Variants in HMX1 observed in about 807,000 individuals in gnomAD.
HMX1 encodes the protein H6 family homeobox 1.
In HMX1, 8 loss-of-function variants were observed where a neutral mutation model predicts 8.9. The observed-to-expected ratio is 0.90, with a 90% CI of 0.53 to 1.63. The LOEUF (loss-of-function observed/expected upper bound fraction) is 1.63, where lower values mean the gene tolerates loss of function less well. HMX1 is among the 40% of genes most tolerant of loss of function. The pLI, the probability that HMX1 is intolerant of heterozygous loss-of-function variation, is 0.00. For missense variants in HMX1, 621 were observed against 558.5 expected (o/e 1.11, Z -1.13); for synonymous variants, 311 against 283.4 (o/e 1.10, Z -0.98).
In HMX1 at chr4:8,871,178, CG is replaced by C; in HGVS notation, c.394+42del. The C allele has an allele frequency of 7.4e-7, 1 of 1,356,454 alleles. No homozygotes were observed. The highest frequency in any genetic ancestry group is 9.5e-7 in the Non-Finnish European group (1 of 1,055,174). 84.0% of individuals were successfully genotyped at this position (1,356,454 alleles called of 1,614,324 possible). A position where few individuals can be genotyped will look rare whatever the true frequency, so the allele number is the denominator to read the frequency against. ...CCCAGCAAATGCGCAGGGAGGAAGTCGGGCCCCACCGCCTGACCCACCCTCC... is the reference window on the plus strand; with the variant it reads ...CCCAGCAAATGCGCAGGGAGGAAGTCGGCCCCACCGCCTGACCCACCCTCC... On this transcript the variant is annotated intron_variant, in intron 1 of 1. Coordinates refer to ENST00000400677, the MANE Select transcript of HMX1 (RefSeq NM_018942.3). This position sits in a 1 kb window ranked among gnomAD's most constrained non-coding sequence, Gnocchi z 4.8.
At chr4:8,864,479 G>A (rs13303012), downstream of HMX1, among the ~76,000 whole-genome samples, 64,761 of 152,044 alleles carry the variant, frequency 0.43, 16,449 homozygotes, top group Non-Finnish European at 0.6. Flanking sequence ...GCAGATCGAA[G>A]CCATTCATCT....
chr4:8,850,570 C>A (rs1388768795), intron 1 of HMX1, among the ~76,000 whole-genome samples: 1 of 152,210 alleles, frequency 6.6e-6, no homozygotes, highest in South Asian at 2.1e-4. Context: ...CAGGCTCCCA[C>A]AGCATCCGCA....
chr4:8,867,355 C>T lies in HMX1; in HGVS notation c.*338G>A. 2 of 1,019,874 alleles carry T rather than the reference C, an allele frequency of 2.0e-6. No individual in the cohort carries two copies. Among genetic ancestry groups the T allele is most frequent in the Non-Finnish European group, 2.3e-6 (2 of 853,134 alleles). The allele number at this position is 1,019,874 out of a possible 1,614,324, so 63.2% of individuals were successfully genotyped here. On this transcript the variant is annotated 3_prime_UTR_variant, in exon 2 of 2. Coordinates refer to ENST00000400677, the MANE Select transcript of HMX1 (RefSeq NM_018942.3). ...TTTCCTTTGTTGCGCTGGGCTTGGC[C>T]TGAGGGCAGCTGCCCCGGGTGGCCA... is the stretch of plus-strand genomic sequence containing the variant.
In HMX1 at chr4:8,868,492, G is replaced by A. The variant is rs1187624381; in HGVS notation, c.395-147C>T. 9.7e-6 allele frequency: 6 copies of A among 619,668 alleles called. No homozygotes were observed. The highest frequency in any genetic ancestry group is 7.8e-5 in the African/African-American group (4 of 51,534). The allele number at this position is 619,668 out of a possible 1,614,324, so 38.4% of individuals were successfully genotyped here. On this transcript the variant is annotated intron_variant, in intron 1 of 1. Coordinates refer to ENST00000400677, the MANE Select transcript of HMX1 (RefSeq NM_018942.3). The surrounding 1 kb of genome is among the most constrained non-coding windows in gnomAD (Gnocchi z 4.6). Reference sequence around the variant, plus strand: ...CAGGGCTGGGCACCCAGCAGCTCTGGGGATGCACACATTGTCAGAACCGTG... The same window carrying A: ...CAGGGCTGGGCACCCAGCAGCTCTGAGGATGCACACATTGTCAGAACCGTG...
At position 8,849,742 on chromosome 4, in the gene HMX1, T is replaced by C. The variant is rs1721387140; in HGVS notation, c.395-3418A>G. Among the ~76,000 whole-genome samples, 1 of 152,168 alleles carries C rather than the reference T, an allele frequency of 6.6e-6. No homozygotes were observed. Among genetic ancestry groups the C allele is most frequent in the Admixed American group, 6.5e-5 (1 of 15,286 alleles). ...TTTTTCTCCCTCTCTTCCAATCCTC[T>C]GCCCTTGCTGGGTAGGGCAGGAAGA... On this transcript the variant is annotated intron_variant, in intron 1 of 1. Transcript: ENST00000506970. This position sits in a 1 kb window ranked among gnomAD's most constrained non-coding sequence, Gnocchi z 6.6.
rs983457612 is a variant in HMX1 at position 8,868,846 on chromosome 4, A to C, written c.395-501T>G. On this transcript the variant is annotated intron_variant, in intron 1 of 1. Coordinates refer to ENST00000400677, the MANE Select transcript of HMX1 (RefSeq NM_018942.3). This position sits in a 1 kb window ranked among gnomAD's most constrained non-coding sequence, Gnocchi z 4.6. ...GCCACCTGGCATCCAGCCCCACGCC[A>C]AGCTCCCCAGAAGGAGGAATGAAGA... Among the ~76,000 whole-genome samples, 1 of 152,064 alleles carries C rather than the reference A, an allele frequency of 6.6e-6. No homozygotes were observed. Among genetic ancestry groups the C allele is most frequent in the Non-Finnish European group, 1.5e-5 (1 of 68,010 alleles).
chr4:8,858,867 C>T (rs1464442231), intron 1 of HMX1: 3 of 152,294 alleles, frequency 2.0e-5, no homozygotes, highest in Admixed American at 1.3e-4. Flanking sequence ...TTCAAAGACT[C>T]GGTTTCCACT....
chr4:8,861,476 G>A (rs567091351), intron 1 of HMX1, among the ~76,000 whole-genome samples: 1 of 152,338 alleles, frequency 6.6e-6, no homozygotes, highest in South Asian at 2.1e-4. Context: ...GGGGGGTAGG[G>A]AACGACGGGG....
chr4:8,859,728 C>T lies in HMX1; in HGVS notation c.394+11493G>A, dbSNP rs923233921. Among the ~76,000 whole-genome samples the T allele has an allele frequency of 2.6e-5, 4 of 152,220 alleles. No individual in the cohort carries two copies. In the South Asian group the frequency reaches 6.2e-4, roughly 24 times the overall value. Reference sequence around the variant, plus strand: ...GCGTGGTCTATGTGACGTGGAGTCGCACTGGGACCCGAATGAGGACATCCC... The same window carrying T: ...GCGTGGTCTATGTGACGTGGAGTCGTACTGGGACCCGAATGAGGACATCCC... On this transcript the variant is annotated intron_variant, in intron 1 of 1. Transcript: ENST00000506970.
chr4:8,857,513 G>A (rs1317942562), intron 1 of HMX1, among the ~76,000 whole-genome samples: 1 of 152,118 alleles, frequency 6.6e-6, no homozygotes, highest in Admixed American at 6.5e-5. Flanking sequence ...CGCGGGTTCC[G>A]GCCCAGCTTC....
At chr4:8,858,975 T>G (rs572922534) in intron 1 of HMX1, 2 of 152,086 alleles carry the variant, frequency 1.3e-5, no homozygotes, top group South Asian at 4.2e-4. Context: ...TGTGGTGGGG[T>G]GTGCCCTCCT....
In HMX1 at chr4:8,868,293, G is replaced by A; in HGVS notation, c.447C>T (p.Gly149=). 1.4e-6 allele frequency: 2 copies of A among 1,440,330 alleles called. No homozygotes were observed. The highest frequency in any genetic ancestry group is 1.8e-6 in the Non-Finnish European group (2 of 1,102,424). The allele number at this position is 1,440,330 out of a possible 1,614,324, so 89.2% of individuals were successfully genotyped here. A position where few individuals can be genotyped will look rare whatever the true frequency, so the allele number is the denominator to read the frequency against. ...ETGEEMGRAE[G]AWPRGPGPGA... ...CCGGCCCGGGGCCTCGCGGCCAGGC[G>A]CCCTCCGCACGGCCCATCTCCTCGC... The change falls in exon 2 of 2, where the codon GGC becomes GGT. Residue 149 remains glycine (G), a synonymous_variant. Coordinates refer to ENST00000400677, the MANE Select transcript of HMX1 (RefSeq NM_018942.3). The surrounding 1 kb of genome is among the most constrained non-coding windows in gnomAD (Gnocchi z 4.6).
Position 8,867,796 on chromosome 4 carries a change from G to T in HMX1, c.944C>A (p.Pro315Gln). The change falls in exon 2 of 2, where the codon CCA becomes CAA. Residue 315 changes from proline to glutamine, a missense_variant. Coordinates refer to ENST00000400677, the MANE Select transcript of HMX1 (RefSeq NM_018942.3). The part of the protein sequence containing the change: ...PLAPAAPAPP[P>Q]PLLGFSGALA... Reference sequence around the variant, plus strand: ...GGCCCCGGAGAAGCCGAGCAGCGGTGGGGGCGGCGCGGGCGCGGCGGGCGC... The same window carrying T: ...GGCCCCGGAGAAGCCGAGCAGCGGTTGGGGCGGCGCGGGCGCGGCGGGCGC... The T allele has an allele frequency of 8.1e-7, 1 of 1,240,046 alleles. No individual in the cohort carries two copies. The highest frequency in any genetic ancestry group is 1.0e-6 in the Non-Finnish European group (1 of 995,454). 76.8% of individuals were successfully genotyped at this position (1,240,046 alleles called of 1,614,324 possible).
At chr4:8,861,408 C>A (rs917557675) in intron 1 of HMX1, among the ~76,000 whole-genome samples, 1 of 152,214 alleles carries the variant, frequency 6.6e-6, no homozygotes, top group Non-Finnish European at 1.5e-5. Flanking sequence ...TAAACACGCC[C>A]TGTCTCCCCG....
chr4:8,867,879 G>C lies in HMX1; in HGVS notation c.861C>G (p.His287Gln). 4 of 1,288,790 alleles carry C rather than the reference G, an allele frequency of 3.1e-6. No homozygotes were observed. Among genetic ancestry groups the C allele is most frequent in the Non-Finnish European group, 3.9e-6 (4 of 1,019,280 alleles). The allele number at this position is 1,288,790 out of a possible 1,614,324, so 79.8% of individuals were successfully genotyped here. ...CGGCGGCTGCGGCCGGGGGGCTTTC[G>C]TGGTAGAGCACCGGCACGCGGACCA... ...QRLVRVPVLYHESPPAAAAAG... is the reference protein window; with the variant it reads ...QRLVRVPVLYQESPPAAAAAG... Residue 287 changes from histidine to glutamine, a missense_variant, in exon 2 of 2, where the codon CAC (histidine) becomes CAG (glutamine). Transcript: ENST00000400677.
chr4:8,871,282 T>C lies in HMX1; in HGVS notation c.333A>G (p.Gly111=). 1 of 1,475,336 alleles carries C rather than the reference T, an allele frequency of 6.8e-7. No individual in the cohort carries two copies. The highest frequency in any genetic ancestry group is 3.0e-5 in the East Asian group (1 of 33,632). The allele number at this position is 1,475,336 out of a possible 1,614,324, so 91.4% of individuals were successfully genotyped here. ...GPGPPFALGC[G]GAARWYPRAH... ...CCCGTGGGTACCAGCGCGCTGCGCC[T>C]CCGCAGCCCAGAGCGAAGGGCGGCC... Residue 111 remains glycine, a synonymous_variant, in exon 1 of 2, where the codon GGA becomes GGG. Transcript: ENST00000400677. The surrounding 1 kb of genome is among the most constrained non-coding windows in gnomAD (Gnocchi z 4.8).
intron 1 of HMX1, among the ~76,000 whole-genome samples, chr4:8,856,622 C>T (rs936299416): frequency 1.3e-5 from 2 of 152,106 alleles, no homozygotes; most frequent in Admixed American, 1.3e-4. Context: ...TATCAAAATT[C>T]CTCTGATTGC....
At chr4:8,869,790 G>A (rs956840779) in intron 1 of HMX1, among the ~76,000 whole-genome samples, 5 of 152,192 alleles carry the variant, frequency 3.3e-5, no homozygotes, top group African/African-American at 1.2e-4. Context: ...GTGAGGAAGT[G>A]GGACCCTAAC....
In HMX1 at chr4:8,847,163, C is replaced by T. The variant is rs1385426858; in HGVS notation, c.395-839G>A. Among the ~76,000 whole-genome samples, 1 of 152,070 alleles carries T rather than the reference C, an allele frequency of 6.6e-6. No individual in the cohort carries two copies. Among genetic ancestry groups the T allele is most frequent in the Admixed American group, 6.5e-5 (1 of 15,278 alleles). On this transcript the variant is annotated intron_variant, in intron 1 of 1. Transcript: ENST00000506970. This position sits in a 1 kb window ranked among gnomAD's most constrained non-coding sequence, Gnocchi z 6.0. ...AAAAGTACAAAGCCATTGAGCCGGGCGTGGTGAGGGATGCCTGTAATCCCA... is the reference window on the plus strand; with the variant it reads ...AAAAGTACAAAGCCATTGAGCCGGGTGTGGTGAGGGATGCCTGTAATCCCA...
Sources: allele counts gnomAD v4.1 joint callset (sites outside exome capture counted in the v4.1 genomes callset), GRCh38; gene constraint gnomAD v4.1.1; non-coding constraint Gnocchi (gnomAD v3.1); transcripts MANE v1.5; gene names NCBI Gene and HGNC (gene_info 2026-07-23, HGNC 2026-07-21).